LAMA2: variants seen among roughly 807,000 people sequenced by gnomAD.
LAMA2 encodes the protein laminin subunit alpha 2.
Under a neutral mutation model 364.8 loss-of-function variants are expected in LAMA2, and 269 were observed. That is an observed-to-expected ratio of 0.74 (90% CI 0.67 to 0.82). LAMA2 has a LOEUF of 0.82. Ranked by LOEUF, LAMA2 falls within the 40% of genes least tolerant of loss-of-function variation. LAMA2 has a pLI of 0.00. For missense variants in LAMA2, 3,807 were observed against 3,873.2 expected (o/e 0.98, Z 0.45); for synonymous variants, 1,379 against 1,370.6 (o/e 1.01, Z -0.14).
At position 128,898,003 on chromosome 6, in the gene LAMA2, C is replaced by T. The variant is rs79505165; in HGVS notation, c.112+14646C>T. Among the ~76,000 whole-genome samples, 222 of 152,320 alleles carry T rather than the reference C, an allele frequency of 1.5e-3. 3 individuals carry two copies. In the East Asian group the frequency reaches 0.037, roughly 25 times the overall value. On this transcript the variant is annotated intron_variant, in intron 1 of 64. Coordinates refer to ENST00000421865, the MANE Select transcript of LAMA2 (RefSeq NM_000426.4). ...TAGTGCTGTTGAGTGAGTTATTTAACTTCTTTAAACCTGATCATCCTCACC... is the reference window on the plus strand; with the variant it reads ...TAGTGCTGTTGAGTGAGTTATTTAATTTCTTTAAACCTGATCATCCTCACC...
chr6:129,226,250 T>C (rs371619197), intron 12 of LAMA2, among the ~76,000 whole-genome samples: 101 of 152,340 alleles, frequency 6.6e-4, no homozygotes, highest in African/African-American at 2.4e-3. Flanking sequence ...GATGGGTCTC[T>C]TGAATACAGC....
At chr6:129,076,167 T>A (rs1354565008) in intron 3 of LAMA2, among the ~76,000 whole-genome samples, 1 of 151,660 alleles carries the variant, frequency 6.6e-6, no homozygotes, top group Non-Finnish European at 1.5e-5. Flanking sequence ...TGATGTGCAC[T>A]GGGAAAGAGA....
chr6:129,112,870 G>A (rs1183942890), intron 4 of LAMA2, among the ~76,000 whole-genome samples: 1 of 151,910 alleles, frequency 6.6e-6, no homozygotes, highest in Non-Finnish European at 1.5e-5. Context: ...CTGAATAACT[G>A]AATAAATTGA....
intron 1 of LAMA2, among the ~76,000 whole-genome samples, chr6:129,033,883 C>T (rs923201429): frequency 1.3e-4 from 18 of 137,564 alleles, no homozygotes; most frequent in African/African-American, 4.2e-4. Context: ...CAAATAAGTG[C>T]CCCAGCTATG....
chr6:129,279,641 A>G (rs1322457511), intron 17 of LAMA2, among the ~76,000 whole-genome samples: 1 of 152,122 alleles, frequency 6.6e-6, no homozygotes, highest in Non-Finnish European at 1.5e-5. Context: ...CACCACCACT[A>G]CCACATACTG....
chr6:129,288,936 A>G (rs1789488996), intron 19 of LAMA2, among the ~76,000 whole-genome samples: 1 of 152,168 alleles, frequency 6.6e-6, no homozygotes, highest in Non-Finnish European at 1.5e-5. Context: ...TCTTCCAATT[A>G]TTCAGGTGGG....
At chr6:128,997,886 C>G (rs540326963) in intron 1 of LAMA2, among the ~76,000 whole-genome samples, 1 of 152,042 alleles carries the variant, frequency 6.6e-6, no homozygotes, top group African/African-American at 2.4e-5. Flanking sequence ...TTTTCTCAGA[C>G]AGAAGATAAA....
At chr6:129,243,721 A>G (rs947169596) in intron 12 of LAMA2, among the ~76,000 whole-genome samples, 2 of 151,982 alleles carry the variant, frequency 1.3e-5, no homozygotes, top group African/African-American at 4.8e-5. Context: ...TAGTGGTCAC[A>G]TTGAAAAAGA....
chr6:129,045,327 A>C (rs1401346537), intron 1 of LAMA2, among the ~76,000 whole-genome samples: 2 of 152,200 alleles, frequency 1.3e-5, no homozygotes, highest in African/African-American at 4.8e-5. Context: ...TGAAGCAACA[A>C]TGGCATGGTG....
At chr6:129,299,675 T>G (rs1025103269) in intron 21 of LAMA2, among the ~76,000 whole-genome samples, 5 of 152,322 alleles carry the variant, frequency 3.3e-5, no homozygotes, top group Non-Finnish European at 5.9e-5. Context: ...TGGCTTAAAA[T>G]TAGCAACAAC....
chr6:129,301,011 TA>T, intron 22 of LAMA2, 139 bp downstream of exon 22: 1 of 764,444 alleles, frequency 1.3e-6, no homozygotes, highest in South Asian at 1.5e-5. Flanking sequence ...TTACAGATAT[TA>T]ATCAATATCT....
intron 34 of LAMA2, among the ~76,000 whole-genome samples, chr6:129,378,089 A>T (rs762612764): frequency 6.6e-6 from 1 of 152,180 alleles, no homozygotes; most frequent in Non-Finnish European, 1.5e-5. Flanking sequence ...TAAAGATTGC[A>T]GAATAGAGGT....
intron 12 of LAMA2, among the ~76,000 whole-genome samples, chr6:129,225,834 C>A (rs1335448980): frequency 6.6e-6 from 1 of 152,050 alleles, no homozygotes; most frequent in African/African-American, 2.4e-5. Flanking sequence ...GAGAGTTCTG[C>A]AAATGTCTAT....
intron 1 of LAMA2, among the ~76,000 whole-genome samples, chr6:129,037,111 T>G (rs933217638): frequency 2.0e-5 from 3 of 152,236 alleles, no homozygotes; most frequent in Non-Finnish European, 2.9e-5. Context: ...TGTATTCTCT[T>G]TTGTCTTTTA....
intron 5 of LAMA2, among the ~76,000 whole-genome samples, chr6:129,146,685 G>T (rs1778476974): frequency 6.6e-6 from 1 of 151,992 alleles, no homozygotes; most frequent in Admixed American, 6.6e-5. Context: ...GTCAGCCACA[G>T]GTACTCTAGC....
chr6:129,174,194 G>A (rs955731860), intron 9 of LAMA2, among the ~76,000 whole-genome samples: 1 of 151,788 alleles, frequency 6.6e-6, no homozygotes, highest in Non-Finnish European at 1.5e-5. Context: ...TTAGAAAAAT[G>A]TATTTGTTTT....
chr6:129,125,811 A>T (rs183021154), intron 4 of LAMA2, among the ~76,000 whole-genome samples: 46 of 152,322 alleles, frequency 3.0e-4, no homozygotes, highest in African/African-American at 1.1e-3. Context: ...CATCATAAAA[A>T]ATATTAGTAT....
chr6:129,449,699 C>T lies in LAMA2; in HGVS notation c.6430-3289C>T, dbSNP rs78165221. On this transcript the variant is annotated intron_variant, in intron 45 of 64. Coordinates refer to ENST00000421865, the MANE Select transcript of LAMA2 (RefSeq NM_000426.4). ...ATTCTATACAATAGATTGGTTGTAA[C>T]CTCTAGTGACATTAGATACTCAGTT... Among the ~76,000 whole-genome samples, 407 of 152,114 alleles carry T rather than the reference C, an allele frequency of 2.7e-3. 4 individuals are homozygous for T. Among genetic ancestry groups the T allele is most frequent in the Middle Eastern group, 3.4e-3 (1 of 292 alleles).
At chr6:129,512,172 A>ATAAC (rs759940047) in intron 62 of LAMA2, among the ~76,000 whole-genome samples, 191 bp from the exon 63 acceptor site, 2 of 152,282 alleles carry the variant, frequency 1.3e-5, no homozygotes, top group African/African-American at 4.8e-5. Flanking sequence ...AAAATAAGCA[A>ATAAC]TAACTAACTA....
Sources: allele counts gnomAD v4.1 joint callset (sites outside exome capture counted in the v4.1 genomes callset), GRCh38; gene constraint gnomAD v4.1.1; transcripts MANE v1.5; gene names NCBI Gene and HGNC (gene_info 2026-07-23, HGNC 2026-07-21).